The following LINGO2 variants were observed in gnomAD, a reference collection of about 807,000 sequenced individuals.
LINGO2 encodes the protein leucine-rich repeat and immunoglobulin-like domain-containing nogo receptor-interacting protein 2.
LINGO2 carries 14 observed loss-of-function variants against 30.6 expected under a neutral mutation model. The ratio of observed to expected loss-of-function variants is 0.46; its 90% CI spans 0.30 to 0.72. LINGO2 has a LOEUF of 0.72. Among genes scored for constraint, LINGO2 ranks in the 30% least tolerant of loss-of-function variants. The pLI is 0.07. For synonymous variants in LINGO2, 317 were observed against 288.5 expected (o/e 1.10, Z -1.00); for missense variants, 729 against 751.7 (o/e 0.97, Z 0.35).
At chr9:28,954,769 A>G in the LINGO2 span, among the ~76,000 whole-genome samples, 2 of 152,206 alleles carry the variant, frequency 1.3e-5, no homozygotes, top group African/African-American at 4.8e-5. Context: ...CAAAAACTGA[A>G]GTGTTAGAGT....
At chr9:28,939,824 C>T in the LINGO2 span, among the ~76,000 whole-genome samples, 2 of 152,044 alleles carry the variant, frequency 1.3e-5, no homozygotes, top group East Asian at 3.9e-4. Flanking sequence ...TCTGAATTCC[C>T]TCTGAGCCAA....
the LINGO2 span, among the ~76,000 whole-genome samples, chr9:29,132,489 C>T: frequency 6.6e-6 from 1 of 152,266 alleles, no homozygotes; most frequent in South Asian, 2.1e-4. Flanking sequence ...AGACTGGTCA[C>T]AGGTCACTAT....
At chr9:29,015,429 C>T in the LINGO2 span, among the ~76,000 whole-genome samples, 22 of 152,144 alleles carry the variant, frequency 1.4e-4, no homozygotes, top group African/African-American at 5.3e-4. Flanking sequence ...ACAATAAATG[C>T]TTTAAGCTTA....
the LINGO2 span, among the ~76,000 whole-genome samples, chr9:29,066,785 T>C: frequency 0.037 from 5,602 of 151,966 alleles, 124 homozygotes; most frequent in South Asian, 0.094. Context: ...ATGATCATTG[T>C]CTTAATATGA....
At chr9:29,005,704 T>C in the LINGO2 span, among the ~76,000 whole-genome samples, 1 of 152,010 alleles carries the variant, frequency 6.6e-6, no homozygotes, top group African/African-American at 2.4e-5. Context: ...CCCACATATA[T>C]GAAAACCCGG....
At position 27,953,955 on chromosome 9, in the gene LINGO2, G is replaced by C. The variant is rs150046457; in HGVS notation, c.-35-3249C>G. 3.5e-3 allele frequency among the ~76,000 whole-genome samples: 531 copies of C among 152,032 alleles called. 6 individuals carry two copies. Among genetic ancestry groups the C allele is most frequent in the African/African-American group, 0.012 (496 of 41,522 alleles). On this transcript the variant is annotated intron_variant, in intron 5 of 5. Coordinates refer to ENST00000379992, the Ensembl canonical transcript of LINGO2. The stretch of plus-strand genomic sequence containing the variant: ...GATGTTGACAATACTAACTTTTTGA[G>C]GTGGTGGGATTAATGGTGATTTTCA...
the LINGO2 span, among the ~76,000 whole-genome samples, chr9:28,956,060 T>A: frequency 0.88 from 132,249 of 149,718 alleles, 58,012 homozygotes; most frequent in Non-Finnish European, 0.9. Flanking sequence ...TAAAAAAAAA[T>A]TAGGTGACTC....
At chr9:28,848,708 A>G in the LINGO2 span, among the ~76,000 whole-genome samples, 1 of 151,646 alleles carries the variant, frequency 6.6e-6, no homozygotes. Context: ...TGAAAGGCCA[A>G]AGAGATACAG....
At chr9:28,052,811 A>G (rs909179487) in intron 4 of LINGO2, among the ~76,000 whole-genome samples, 2 of 152,114 alleles carry the variant, frequency 1.3e-5, no homozygotes, top group African/African-American at 2.4e-5. Context: ...ATTTGGCATC[A>G]AAGGGTTTTC....
At chr9:28,727,183 T>G in the LINGO2 span, among the ~76,000 whole-genome samples, 1 of 152,166 alleles carries the variant, frequency 6.6e-6, no homozygotes, top group Non-Finnish European at 1.5e-5. Context: ...ACTCTTAACC[T>G]TAGTTTTGAC....
the LINGO2 span, among the ~76,000 whole-genome samples, chr9:29,068,535 A>G: frequency 6.6e-6 from 1 of 151,872 alleles, no homozygotes; most frequent in Non-Finnish European, 1.5e-5. Context: ...TTTTCTCCTT[A>G]TATGCACCAA....
At chr9:28,314,067 T>G (rs1280216786) in intron 3 of LINGO2, among the ~76,000 whole-genome samples, 1 of 152,184 alleles carries the variant, frequency 6.6e-6, no homozygotes, top group Non-Finnish European at 1.5e-5. Flanking sequence ...CCCGCGTAGC[T>G]GGGACTACAG....
At chr9:28,060,178 T>G (rs932240265) in intron 4 of LINGO2, among the ~76,000 whole-genome samples, 1 of 152,122 alleles carries the variant, frequency 6.6e-6, no homozygotes, top group Non-Finnish European at 1.5e-5. Context: ...ATACGTAATT[T>G]TTCCCCACAA....
intron 4 of LINGO2, among the ~76,000 whole-genome samples, chr9:28,169,051 C>G (rs970545268): frequency 1.3e-5 from 2 of 152,148 alleles, no homozygotes; most frequent in Non-Finnish European, 2.9e-5. Context: ...CTCTTTCAAG[C>G]TTTTGATAGG....
the LINGO2 span, among the ~76,000 whole-genome samples, chr9:28,912,871 C>A: frequency 2.0e-5 from 3 of 152,090 alleles, no homozygotes; most frequent in Non-Finnish European, 4.4e-5. Flanking sequence ...CATGACATCA[C>A]CTCCTGGCCT....
chr9:28,884,932 T>C, the LINGO2 span, among the ~76,000 whole-genome samples: 1 of 2,502 alleles, frequency 4.0e-4, no homozygotes, highest in Non-Finnish European at 1.3e-3. Context: ...TATATAATAT[T>C]ATATATAATA....
the LINGO2 span, among the ~76,000 whole-genome samples, chr9:28,679,901 T>C: frequency 6.6e-6 from 1 of 152,074 alleles, no homozygotes; most frequent in African/African-American, 2.4e-5. Context: ...TATAATAGTA[T>C]AATTACTATA....
intron 1 of LINGO2, among the ~76,000 whole-genome samples, chr9:28,504,186 T>C (rs952854849): frequency 2.0e-5 from 3 of 151,926 alleles, no homozygotes; most frequent in Non-Finnish European, 2.9e-5. Flanking sequence ...GAAAATGTTA[T>C]AAATAAAATA....
the LINGO2 span, among the ~76,000 whole-genome samples, chr9:28,837,205 C>G: frequency 3.3e-5 from 5 of 152,240 alleles, no homozygotes; most frequent in African/African-American, 1.2e-4. Context: ...AGTTATACAT[C>G]TAAGTGCACA....
Sources: gnomAD v4.1 joint callset for allele counts (sites outside exome capture counted in the v4.1 genomes callset) on GRCh38, gnomAD v4.1.1 for gene constraint, MANE v1.5 for transcripts, NCBI Gene and HGNC (gene_info 2026-07-23, HGNC 2026-07-21) for gene names.